Variants in IQSEC1 observed in about 807,000 individuals in gnomAD.
The protein encoded by IQSEC1 is IQ motif and Sec7 domain ArfGEF 1.
In IQSEC1, 31 loss-of-function variants were observed where a neutral mutation model predicts 91.0. The ratio of observed to expected loss-of-function variants is 0.34; its 90% CI spans 0.26 to 0.46. IQSEC1 has a LOEUF of 0.46. Ranked by LOEUF, IQSEC1 falls within the 20% of genes least tolerant of loss-of-function variation. The probability of loss-of-function intolerance (pLI) is 1.00; values close to 1 mark genes in which losing one functional copy is unlikely to be tolerated. For missense variants in IQSEC1, 1,388 were observed against 1,575.6 expected, an observed-to-expected ratio of 0.88 and a Z score of 2.02; for synonymous variants, 699 against 662.6, an observed-to-expected ratio of 1.05 and a Z score of -0.84.
At chr3:13,204,188 G>T (rs905519504) in intron 1 of IQSEC1, among the ~76,000 whole-genome samples, 1 of 152,236 alleles carries the variant, frequency 6.6e-6, no homozygotes, top group African/African-American at 2.4e-5. Context: ...GGAGAGCTGG[G>T]GCCCCGCGTG....
chr3:12,962,192 G>C (rs576478892), intron 1 of IQSEC1, among the ~76,000 whole-genome samples: 1 of 152,184 alleles, frequency 6.6e-6, no homozygotes, highest in Non-Finnish European at 1.5e-5. Context: ...GGAGACCTTT[G>C]AGCTTAAGGG....
chr3:13,213,556 C>T lies in IQSEC1; in HGVS notation c.273-49423G>A, dbSNP rs201289171. Among the ~76,000 whole-genome samples the T allele has an allele frequency of 9.2e-5, 14 of 152,326 alleles. No homozygotes were observed. The East Asian group carries it at 2.3e-3, about 25-fold the overall frequency. ...AGCTCATCACCCACGTTCTTGGAAC[C>T]TGAAGGCAGGATTTTATCCACGGCT... is the stretch of plus-strand genomic sequence containing the variant. On this transcript the variant is annotated intron_variant, in intron 1 of 15. Transcript: ENST00000648114.
At chr3:13,104,804 T>C (rs1456217625) in intron 2 of IQSEC1, among the ~76,000 whole-genome samples, 1 of 152,160 alleles carries the variant, frequency 6.6e-6, no homozygotes, top group Non-Finnish European at 1.5e-5. Context: ...TGAGGGGCTG[T>C]AGGAGCCAGG....
intron 3 of IQSEC1, among the ~76,000 whole-genome samples, chr3:12,933,595 A>G (rs1697902342): frequency 6.6e-6 from 1 of 152,064 alleles, no homozygotes; most frequent in Admixed American, 6.5e-5. Context: ...GGCATCAGCC[A>G]TTTCACAGAT....
chr3:13,271,742 C>T (rs1276239994), intron 1 of IQSEC1, among the ~76,000 whole-genome samples: 2 of 152,194 alleles, frequency 1.3e-5, no homozygotes, highest in African/African-American at 4.8e-5. Context: ...TTACAGTGAG[C>T]TCTGATTGCA....
chr3:13,128,808 C>T (rs1455214540), intron 2 of IQSEC1, among the ~76,000 whole-genome samples: 1 of 138,794 alleles, frequency 7.2e-6, no homozygotes, highest in Non-Finnish European at 1.5e-5. Flanking sequence ...ACCTGGGAGG[C>T]GGAGGTTGCA....
intron 2 of IQSEC1, among the ~76,000 whole-genome samples, chr3:13,146,322 T>G (rs1275423906): frequency 6.6e-6 from 1 of 152,180 alleles, no homozygotes; most frequent in East Asian, 1.9e-4. Flanking sequence ...TACTATCCCT[T>G]CACGTGTCAA....
chr3:13,079,768 C>T (rs1705620825), intron 2 of IQSEC1, among the ~76,000 whole-genome samples: 1 of 152,206 alleles, frequency 6.6e-6, no homozygotes, highest in South Asian at 2.1e-4. Flanking sequence ...CACACAGAAC[C>T]AAACGTTCTA....
chr3:13,151,777 C>T (rs1707004852), intron 2 of IQSEC1, among the ~76,000 whole-genome samples: 1 of 152,112 alleles, frequency 6.6e-6, no homozygotes, highest in South Asian at 2.1e-4. Flanking sequence ...ACCAGCCTGA[C>T]CAACATGGTG....
chr3:13,083,301 C>T (rs1246260303), intron 2 of IQSEC1, among the ~76,000 whole-genome samples: 1 of 152,232 alleles, frequency 6.6e-6, no homozygotes, highest in Non-Finnish European at 1.5e-5. Context: ...CACATTCTCC[C>T]AGGATCTGAG....
intron 1 of IQSEC1, among the ~76,000 whole-genome samples, chr3:12,953,346 TG>T (rs375377000): frequency 1.4e-4 from 22 of 152,344 alleles, no homozygotes; most frequent in African/African-American, 5.3e-4. Context: ...AAGATGAGCC[TG>T]GGCGGAGACC....
At chr3:13,005,754 C>T (rs111827863) in intron 1 of IQSEC1, among the ~76,000 whole-genome samples, 43 of 152,270 alleles carry the variant, frequency 2.8e-4, no homozygotes, top group Admixed American at 7.8e-4. Flanking sequence ...TTCGTAGGGA[C>T]GGGGAATGGA....
chr3:13,124,353 T>C (rs1253044679), intron 2 of IQSEC1, among the ~76,000 whole-genome samples: 1 of 152,132 alleles, frequency 6.6e-6, no homozygotes, highest in Non-Finnish European at 1.5e-5. Flanking sequence ...TCGAGGACTC[T>C]AGAATGTTAA....
rs1694436033 is a variant in IQSEC1 at position 13,211,100 on chromosome 3, G to A, written c.273-46967C>T. On this transcript the variant is annotated intron_variant, in intron 1 of 15. Transcript: ENST00000648114. The surrounding 1 kb of genome is among the most constrained non-coding windows in gnomAD (Gnocchi z 5.3). ...TAGCAGTGCCTGACACACAGTAGGT[G>A]TGCAGTAAAGGTGTGTCGGATGACT... Among the ~76,000 whole-genome samples the A allele has an allele frequency of 6.6e-6, 1 of 152,256 alleles. No individual in the cohort carries two copies. Among genetic ancestry groups the A allele is most frequent in the Non-Finnish European group, 1.5e-5 (1 of 68,044 alleles).
rs145485881 is a variant in IQSEC1 at position 13,160,357 on chromosome 3, G to A, written c.302+3747C>T. On this transcript the variant is annotated intron_variant, in intron 2 of 15. Coordinates refer to the IQSEC1 transcript ENST00000648114. ...TTTATTTTTGGTAGAGACGGGGTCC[G>A]GCTATGTTGCCCAGGCTAGTCTTGG... 4.6e-5 allele frequency among the ~76,000 whole-genome samples: 7 copies of A among 152,200 alleles called. No individual in the cohort carries two copies. The East Asian group carries it at 5.8e-4, about 13-fold the overall frequency.
At chr3:12,959,280 T>C (rs1305234567) in intron 1 of IQSEC1, among the ~76,000 whole-genome samples, 1 of 152,156 alleles carries the variant, frequency 6.6e-6, no homozygotes, top group African/African-American at 2.4e-5. Flanking sequence ...GGGCGCAGCC[T>C]GGCTACACGT....
rs1553568918 is a variant in IQSEC1, at chr3:13,145,807, G to GGA, written c.302+18296_302+18297insTC. ...AGTGAACCTGGGCGCCCGGGGGCGG[G>GGA]GGGGGGGGGTCCTGATCATTGGGAA... On this transcript the variant is annotated intron_variant, in intron 2 of 15. Coordinates refer to the IQSEC1 transcript ENST00000648114. Among the ~76,000 whole-genome samples, 41 of 74,764 alleles carry GGA rather than the reference G, an allele frequency of 5.5e-4. 4 individuals are homozygous for GGA. Among genetic ancestry groups the GGA allele is most frequent in the Non-Finnish European group, 9.8e-4 (35 of 35,856 alleles). 49.0% of individuals were successfully genotyped at this position (74,764 alleles called of 152,430 possible).
chr3:12,943,003 T>G (rs1698897751), intron 1 of IQSEC1, among the ~76,000 whole-genome samples: 1 of 152,240 alleles, frequency 6.6e-6, no homozygotes, highest in Non-Finnish European at 1.5e-5. Context: ...AAGGCCCCTG[T>G]GTGTGGTGTG....
intron 1 of IQSEC1, among the ~76,000 whole-genome samples, chr3:13,256,497 C>T (rs1695287995): frequency 6.6e-6 from 1 of 152,316 alleles, no homozygotes; most frequent in South Asian, 2.1e-4. Flanking sequence ...ATCCTTATCC[C>T]CCACCTGACA....
Sources: gnomAD v4.1 joint callset for allele counts (sites outside exome capture counted in the v4.1 genomes callset) on GRCh38, gnomAD v4.1.1 for gene constraint, Gnocchi (gnomAD v3.1) non-coding constraint, MANE v1.5 for transcripts, NCBI Gene and HGNC (gene_info 2026-07-23, HGNC 2026-07-21) for gene names.